FAM13A: variants seen among roughly 807,000 people sequenced by gnomAD.
FAM13A encodes family with sequence similarity 13 member A.
In FAM13A, 76 loss-of-function variants were observed where a neutral mutation model predicts 129.6. That is an observed-to-expected ratio of 0.59 (90% CI 0.49 to 0.71). The LOEUF (loss-of-function observed/expected upper bound fraction) is 0.71. FAM13A is among the 30% of genes least tolerant of loss of function. FAM13A has a pLI of 0.00. For missense variants in FAM13A, 1,108 were observed against 1,249.3 expected (o/e 0.89, Z 1.70); for synonymous variants, 443 against 449.9 (o/e 0.98, Z 0.20).
rs895494373 is a variant in FAM13A, at chr4:88,727,057, T to G, written c.*1476A>C. On this transcript the variant is annotated 3_prime_UTR_variant, in exon 24 of 24. Transcript: ENST00000264344. ...AAAACGGGTCAGTATAGTTTTACAT[T>G]CTTTTTCTTTTCCTTAAAACTGTGC... 2 of 152,232 alleles carry G rather than the reference T, an allele frequency of 1.3e-5. No individual in the cohort carries two copies. 9.4% of individuals were successfully genotyped at this position (152,232 alleles called of 1,614,324 possible).
At chr4:88,840,205 G>C (rs970980066) in intron 7 of FAM13A, among the ~76,000 whole-genome samples, 1 of 152,212 alleles carries the variant, frequency 6.6e-6, no homozygotes, top group African/African-American at 2.4e-5. Context: ...CTGAGAGATA[G>C]AGTAAGATGA....
In FAM13A at chr4:89,029,625, T is replaced by G; in HGVS notation, c.52A>C (p.Lys18Gln). The G allele has an allele frequency of 2.5e-6, 4 of 1,583,266 alleles. No individual in the cohort carries two copies. Among genetic ancestry groups the G allele is most frequent in the Non-Finnish European group, 3.4e-6 (4 of 1,170,746 alleles). ...GCCACTATCTTTTTCATGTCTTCTTTCAGCCGAACCGCTGCTTTACTTTGC... is the reference window on the plus strand; with the variant it reads ...GCCACTATCTTTTTCATGTCTTCTTGCAGCCGAACCGCTGCTTTACTTTGC... ...ICQSKAAVRL[K>Q]EDMKKIVAVP... Residue 18 changes from lysine (K) to glutamine (Q), a missense_variant, in exon 2 of 24, where the codon AAA becomes CAA. Around this residue, in one of 3 missense-constraint regions of FAM13A, gnomAD observed 566 missense variants for 595.7 expected, o/e 0.95. Coordinates refer to ENST00000264344, the MANE Select transcript of FAM13A (RefSeq NM_014883.4).
chr4:89,056,081 A>G (rs1772168827), intron 1 of FAM13A, among the ~76,000 whole-genome samples: 1 of 152,220 alleles, frequency 6.6e-6, no homozygotes, highest in Admixed American at 6.5e-5. Flanking sequence ...ATAATAAGGA[A>G]GAAGATATTT....
chr4:88,797,802 A>G (rs894035752), intron 8 of FAM13A, among the ~76,000 whole-genome samples: 1 of 151,906 alleles, frequency 6.6e-6, no homozygotes, highest in African/African-American at 2.4e-5. Flanking sequence ...ATGGCTTCCT[A>G]CTGTTTCAAA....
chr4:88,990,854 C>A, intron 4 of FAM13A, 119 bp downstream of exon 4: 1 of 747,320 alleles, frequency 1.3e-6, no homozygotes, highest in South Asian at 2.1e-5. Context: ...TACAACTTCT[C>A]CAAAATAAGC....
chr4:88,731,287 C>T lies in FAM13A; in HGVS notation c.2945+40G>A, dbSNP rs2276321. The T allele has an allele frequency of 1.8e-4, 139 of 779,716 alleles. 1 individual carries two copies. In the East Asian group the frequency reaches 6.2e-3, roughly 35 times the overall value. 48.3% of individuals were successfully genotyped at this position (779,716 alleles called of 1,614,324 possible). On this transcript the variant is annotated intron_variant, in intron 23 of 23. Transcript: ENST00000264344. Reference sequence around the variant, plus strand: ...ACAAGAGGGATGGGTGTGTGTGGTGCGGCGGGGGGGAAGGGAGGGTGGGGG... The same window carrying T: ...ACAAGAGGGATGGGTGTGTGTGGTGTGGCGGGGGGGAAGGGAGGGTGGGGG...
intron 4 of FAM13A, among the ~76,000 whole-genome samples, chr4:88,973,130 AAT>A (rs1760364487): frequency 1.2e-5 from 1 of 84,472 alleles, no homozygotes; most frequent in Non-Finnish European, 2.4e-5. Flanking sequence ...GCCTAGGCAT[AAT>A]TTTTTTTTTT....
intron 4 of FAM13A, among the ~76,000 whole-genome samples, chr4:88,972,617 T>C (rs980602911): frequency 1.3e-5 from 2 of 151,764 alleles, no homozygotes; most frequent in African/African-American, 4.8e-5. Context: ...TCACTTTTTT[T>C]TGGGGGGGAG....
At chr4:88,780,341 C>A (rs1722614694) in intron 11 of FAM13A, among the ~76,000 whole-genome samples, 1 of 152,108 alleles carries the variant, frequency 6.6e-6, no homozygotes, top group Non-Finnish European at 1.5e-5. Flanking sequence ...AAAAACTGGT[C>A]AAAGTACGTC....
At chr4:88,885,335 T>C (rs1185387679) in intron 6 of FAM13A, among the ~76,000 whole-genome samples, 3 of 152,030 alleles carry the variant, frequency 2.0e-5, no homozygotes, top group Non-Finnish European at 4.4e-5. Flanking sequence ...TGAAACAGGA[T>C]AGAGAACCCA....
chr4:89,052,269 TTTTTCTTTTTTC>T (rs1430874000), intron 1 of FAM13A, among the ~76,000 whole-genome samples: 1 of 150,756 alleles, frequency 6.6e-6, no homozygotes, highest in Non-Finnish European at 1.5e-5. Flanking sequence ...TTTTTTTTCT[TTTTTCTTTTTTC>T]TTTTATTTTA....
intron 23 of FAM13A, chr4:88,729,074 TTTTTTTC>T (rs1307337889): frequency 1.3e-5 from 2 of 153,012 alleles, no homozygotes; most frequent in African/African-American, 2.5e-5. Flanking sequence ...TTTTTTTTTT[TTTTTTTC>T]CAAAAACAGA....
At chr4:88,836,592 A>G (rs1178486573) in intron 7 of FAM13A, among the ~76,000 whole-genome samples, 1 of 152,246 alleles carries the variant, frequency 6.6e-6, no homozygotes, top group African/African-American at 2.4e-5. Context: ...ATATTAAGCC[A>G]GTTGTTAGAA....
intron 4 of FAM13A, among the ~76,000 whole-genome samples, chr4:88,960,699 A>G (rs75538399): frequency 0.011 from 1,729 of 152,108 alleles, 27 homozygotes; most frequent in African/African-American, 0.04. Context: ...TTAAACTACA[A>G]CCCAAATGTA....
chr4:88,823,195 AG>A, intron 7 of FAM13A: 1 of 1,446,960 alleles, frequency 6.9e-7, no homozygotes, highest in Non-Finnish European at 9.1e-7. Context: ...AAACTTCTTC[AG>A]GCAATGCTAT....
intron 3 of FAM13A, among the ~76,000 whole-genome samples, chr4:89,009,576 A>T (rs753337941): frequency 6.6e-6 from 1 of 152,242 alleles, no homozygotes; most frequent in Admixed American, 6.5e-5. Flanking sequence ...CCAAGAAGGC[A>T]ATTTTCCTTA....
At chr4:88,989,090 C>A (rs935433160) in intron 4 of FAM13A, among the ~76,000 whole-genome samples, 1 of 151,222 alleles carries the variant, frequency 6.6e-6, no homozygotes, top group Admixed American at 6.6e-5. Context: ...CGCCTATAAT[C>A]CCAGCTACTC....
intron 3 of FAM13A, among the ~76,000 whole-genome samples, chr4:89,018,471 C>A (rs987389489): frequency 2.0e-5 from 3 of 152,084 alleles, no homozygotes; most frequent in African/African-American, 4.8e-5. Context: ...TTTGTTAGGG[C>A]AGATGTAGCA....
chr4:88,802,804 G>A (rs1727756477), intron 8 of FAM13A, among the ~76,000 whole-genome samples: 2 of 152,056 alleles, frequency 1.3e-5, no homozygotes, highest in Admixed American at 6.6e-5. Context: ...CTGTCCTGTT[G>A]TATACAATCC....
Sources: gnomAD v4.1 joint callset for allele counts (sites outside exome capture counted in the v4.1 genomes callset) on GRCh38, gnomAD v4.1.1 for gene constraint, gnomAD v4.1.1 regional missense constraint, MANE v1.5 for transcripts, NCBI Gene and HGNC (gene_info 2026-07-23, HGNC 2026-07-21) for gene names.